The following SYNDIG1 variants were observed in gnomAD, a reference collection of about 807,000 sequenced individuals.
The protein encoded by SYNDIG1 is synapse differentiation inducing 1, also known as synapse differentiation-inducing gene protein 1.
A neutral mutation model predicts 19.4 loss-of-function variants in SYNDIG1; 9 were observed. The ratio of observed to expected loss-of-function variants is 0.46; its 90% CI spans 0.28 to 0.81. SYNDIG1 has a LOEUF of 0.81. Among genes scored for constraint, SYNDIG1 ranks in the 30% least tolerant of loss-of-function variants. The pLI, the probability that SYNDIG1 is intolerant of heterozygous loss-of-function variation, is 0.12. For missense variants in SYNDIG1, 311 were observed against 343.3 expected, an observed-to-expected ratio of 0.91 and a Z score of 0.74; for synonymous variants, 141 against 145.9, an observed-to-expected ratio of 0.97 and a Z score of 0.24.
intron 3 of SYNDIG1, among the ~76,000 whole-genome samples, chr20:24,664,310 C>G (rs76418820): frequency 6.6e-6 from 1 of 152,018 alleles, no homozygotes; most frequent in Non-Finnish European, 1.5e-5. Flanking sequence ...AATGACATGC[C>G]GACTCCCATA....
Position 24,538,214 on chromosome 20 carries a change from C to G in SYNDIG1, c.-78-4806C>G, listed in dbSNP as rs540852254. On this transcript the variant is annotated intron_variant, in intron 1 of 3. Coordinates refer to ENST00000376862, the MANE Select transcript of SYNDIG1 (RefSeq NM_024893.3). ...ACCATCACCACCATCTATCTACCAT[C>G]TATCTCTATATCCCTTTTCATTCCA... Among the ~76,000 whole-genome samples, 3 of 152,286 alleles carry G rather than the reference C, an allele frequency of 2.0e-5. 1 individual carries two copies. In the South Asian group the frequency reaches 6.2e-4, roughly 32 times the overall value.
intron 2 of SYNDIG1, among the ~76,000 whole-genome samples, chr20:24,553,136 C>T (rs1453048240): frequency 1.3e-4 from 19 of 151,602 alleles, no homozygotes; most frequent in African/African-American, 1.9e-4. Flanking sequence ...TCATGTCCTT[C>T]GCCCACTTTT....
At chr20:24,479,939 G>T (rs2055749164) in intron 1 of SYNDIG1, among the ~76,000 whole-genome samples, 1 of 152,174 alleles carries the variant, frequency 6.6e-6, no homozygotes, top group South Asian at 2.1e-4. Flanking sequence ...CTCCTGCCCT[G>T]CCATGCACAG....
intron 2 of SYNDIG1, among the ~76,000 whole-genome samples, chr20:24,581,667 C>G (rs1007142401): frequency 6.6e-5 from 10 of 152,026 alleles, no homozygotes; most frequent in Non-Finnish European, 1.2e-4. Context: ...GGGCAGATAC[C>G]CAGATTCCAT....
At chr20:24,505,704 A>G (rs1009111084) in intron 1 of SYNDIG1, among the ~76,000 whole-genome samples, 1 of 152,208 alleles carries the variant, frequency 6.6e-6, no homozygotes, top group Non-Finnish European at 1.5e-5. Context: ...TCTCCTTAGG[A>G]GACCAAGTCC....
intron 3 of SYNDIG1, among the ~76,000 whole-genome samples, chr20:24,642,104 C>G (rs1018255918): frequency 2.9e-4 from 44 of 152,222 alleles, no homozygotes; most frequent in African/African-American, 9.9e-4. Flanking sequence ...AGGTCCCATC[C>G]AAGAAACCAT....
chr20:24,479,849 C>A (rs1187288685), intron 1 of SYNDIG1, among the ~76,000 whole-genome samples: 1 of 152,154 alleles, frequency 6.6e-6, no homozygotes, highest in Admixed American at 6.5e-5. Flanking sequence ...GGGAAAGATA[C>A]AAGGCAAGGC....
At chr20:24,568,444 G>A (rs568269431) in intron 2 of SYNDIG1, among the ~76,000 whole-genome samples, 1 of 152,150 alleles carries the variant, frequency 6.6e-6, no homozygotes, top group Non-Finnish European at 1.5e-5. Context: ...CCTAGGGCTG[G>A]TGACCTCGGG....
At chr20:24,547,358 G>A (rs2057600368) in intron 2 of SYNDIG1, among the ~76,000 whole-genome samples, 1 of 152,246 alleles carries the variant, frequency 6.6e-6, no homozygotes, top group African/African-American at 2.4e-5. Flanking sequence ...TGCCTTCGAG[G>A]TTGTGGTAGT....
chr20:24,654,692 GGAAGGA>G (rs2059507533), intron 3 of SYNDIG1, among the ~76,000 whole-genome samples: 1 of 150,634 alleles, frequency 6.6e-6, no homozygotes, highest in African/African-American at 2.5e-5. Context: ...AAGGAAGGAA[GGAAGGA>G]AGAGTTAGAG....
chr20:24,664,901 G>A (rs541140820), intron 3 of SYNDIG1, among the ~76,000 whole-genome samples: 1 of 152,264 alleles, frequency 6.6e-6, no homozygotes, highest in Non-Finnish European at 1.5e-5. Context: ...GTGGGTAGCA[G>A]AGATTCAATA....
chr20:24,598,381 TA>T (rs1255449998), intron 3 of SYNDIG1, among the ~76,000 whole-genome samples: 1 of 152,264 alleles, frequency 6.6e-6, no homozygotes, highest in African/African-American at 2.4e-5. Context: ...TGTGCTGTTT[TA>T]AAAGCCTTCA....
chr20:24,579,494 GT>G (rs2058287656), intron 2 of SYNDIG1, among the ~76,000 whole-genome samples: 1 of 152,178 alleles, frequency 6.6e-6, no homozygotes, highest in African/African-American at 2.4e-5. Flanking sequence ...CTAAGATGGA[GT>G]CACTTATGTC....
intron 3 of SYNDIG1, among the ~76,000 whole-genome samples, chr20:24,643,154 T>C (rs2059394651): frequency 6.6e-6 from 1 of 152,198 alleles, no homozygotes; most frequent in Non-Finnish European, 1.5e-5. Flanking sequence ...TCTAACTCAT[T>C]GTCACACATC....
intron 3 of SYNDIG1, among the ~76,000 whole-genome samples, chr20:24,618,221 G>A (rs1222870087): frequency 1.1e-4 from 16 of 144,786 alleles, no homozygotes; most frequent in Middle Eastern, 3.8e-3. Context: ...GCCCGGGGAA[G>A]GGAGAGAGCC....
At chr20:24,571,996 T>C (rs959924996) in intron 2 of SYNDIG1, among the ~76,000 whole-genome samples, 3 of 152,192 alleles carry the variant, frequency 2.0e-5, no homozygotes, top group South Asian at 2.1e-4. Context: ...GACCCCTCAT[T>C]CATCACTTGA....
rs760748430 is a variant in SYNDIG1 at position 24,584,969 on chromosome 20, C to T, written c.594C>T (p.Ile198=). 9.9e-6 allele frequency: 16 copies of T among 1,613,236 alleles called. No individual in the cohort carries two copies. Among genetic ancestry groups the T allele is most frequent in the East Asian group, 6.7e-5 (3 of 44,808 alleles). The change falls in exon 3 of 4, where the codon ATC becomes ATT. Residue 198 remains isoleucine (I), a synonymous_variant. Coordinates refer to ENST00000376862, the MANE Select transcript of SYNDIG1 (RefSeq NM_024893.3). The part of the protein sequence containing the change: ...SMLCCFWPLG[I]AAFYLSHETN... ...TCTGCTGCTTCTGGCCTCTGGGCAT[C>T]GCAGCCTTCTACTTGTCCCATGAGG...
intron 3 of SYNDIG1, among the ~76,000 whole-genome samples, chr20:24,634,745 G>A (rs75229817): frequency 0.028 from 4,291 of 152,208 alleles, 197 homozygotes; most frequent in African/African-American, 0.096. Context: ...TTCTGACACA[G>A]TTTTTAGTCT....
At chr20:24,626,709 G>C (rs533040241) in intron 3 of SYNDIG1, among the ~76,000 whole-genome samples, 29 of 152,374 alleles carry the variant, frequency 1.9e-4, no homozygotes, top group African/African-American at 5.5e-4. Context: ...CGGCACTTTG[G>C]GGGGCCAAGG....
Sources: gnomAD v4.1 joint callset for allele counts (sites outside exome capture counted in the v4.1 genomes callset) on GRCh38, gnomAD v4.1.1 for gene constraint, MANE v1.5 for transcripts, NCBI Gene and HGNC (gene_info 2026-07-23, HGNC 2026-07-21) for gene names.